The following CAB39 variants were observed in gnomAD, a reference collection of about 807,000 sequenced individuals.
CAB39 encodes the protein calcium-binding protein 39.
A neutral mutation model predicts 40.0 loss-of-function variants in CAB39; 8 were observed. The ratio of observed to expected loss-of-function variants is 0.20; its 90% CI spans 0.12 to 0.36. CAB39 has a LOEUF of 0.36. CAB39 is among the 10% of genes least tolerant of loss of function. CAB39 has a pLI of 1.00. For synonymous variants in CAB39, 156 were observed against 141.6 expected (o/e 1.10, Z -0.72); for missense variants, 270 against 401.1 (o/e 0.67, Z 2.79).
intron 2 of CAB39, among the ~76,000 whole-genome samples, chr2:230,781,967 A>T (rs1217798149): frequency 6.6e-6 from 1 of 152,072 alleles, no homozygotes; most frequent in Non-Finnish European, 1.5e-5. Context: ...AAGGTTCAAG[A>T]TAGTCTCGTG....
chr2:230,768,391 T>G (rs1695426632), intron 2 of CAB39, among the ~76,000 whole-genome samples: 1 of 152,166 alleles, frequency 6.6e-6, no homozygotes, highest in Non-Finnish European at 1.5e-5. Flanking sequence ...TCCATACAGG[T>G]TTATGTTCAT....
chr2:230,724,014 T>C (rs1694504624), intron 1 of CAB39, among the ~76,000 whole-genome samples: 1 of 151,788 alleles, frequency 6.6e-6, no homozygotes, highest in Non-Finnish European at 1.5e-5. Context: ...GAGGCTGAGG[T>C]TGGTGGATCC....
Position 230,818,938 on chromosome 2 carries a change from G to T in CAB39, c.*234G>T. The stretch of plus-strand genomic sequence containing the variant: ...TCTTTGTGTCATTTCAGAATTCAAA[G>T]ACTGTGCTACGGGAGTTCTGAACAT... On this transcript the variant is annotated 3_prime_UTR_variant, in exon 9 of 9. Coordinates refer to ENST00000258418, the MANE Select transcript of CAB39 (RefSeq NM_016289.4). 2.3e-6 allele frequency: 1 copy of T among 430,766 alleles called. No individual in the cohort carries two copies. Among genetic ancestry groups the T allele is most frequent in the Non-Finnish European group, 4.3e-6 (1 of 233,796 alleles). The allele number at this position is 430,766 out of a possible 1,614,324, so 26.7% of individuals were successfully genotyped here. A position where few individuals can be genotyped will look rare whatever the true frequency, so the allele number is the denominator to read the frequency against.
chr2:230,762,459 C>G (rs1374392147), intron 2 of CAB39, among the ~76,000 whole-genome samples: 1 of 152,148 alleles, frequency 6.6e-6, no homozygotes, highest in Non-Finnish European at 1.5e-5. Context: ...GCCCTACAGG[C>G]TTTGCACCAG....
chr2:230,779,025 A>G (rs140618409), intron 2 of CAB39: 101 of 152,298 alleles, frequency 6.6e-4, no homozygotes, highest in African/African-American at 2.4e-3. Flanking sequence ...TACTGTTATT[A>G]GTGAGGTGAG....
chr2:230,770,358 A>G (rs1446566729), intron 2 of CAB39, among the ~76,000 whole-genome samples: 2 of 152,192 alleles, frequency 1.3e-5, no homozygotes, highest in Non-Finnish European at 2.9e-5. Flanking sequence ...ATTAAACTCA[A>G]CAGCTTAGAT....
In CAB39 at chr2:230,748,828, AAAAATATATATATATAT is replaced by A. The variant is rs1175097060; in HGVS notation, c.-43-11129_-43-11113del. ...TTTCCAAAAAGAAAAAAAAAAAAAA[AAAAATATATATATATAT>A]ATATATATATATATATATATATAAC... is the stretch of plus-strand genomic sequence containing the variant. On this transcript the variant is annotated intron_variant, in intron 1 of 8. Coordinates refer to ENST00000258418, the MANE Select transcript of CAB39 (RefSeq NM_016289.4). Among the ~76,000 whole-genome samples, 410 of 62,748 alleles carry A rather than the reference AAAAATATATATATATAT, an allele frequency of 6.5e-3. 25 individuals carry two copies. The highest frequency in any genetic ancestry group is 0.025 in the African/African-American group (274 of 11,036). The allele number at this position is 62,748 out of a possible 152,430, so 41.2% of individuals were successfully genotyped here.
Position 230,818,317 on chromosome 2 carries a change from C to T in CAB39, c.838-199C>T, listed in dbSNP as rs538307031. On this transcript the variant is annotated intron_variant, in intron 8 of 8. Coordinates refer to ENST00000258418, the MANE Select transcript of CAB39 (RefSeq NM_016289.4). ...GGGCTGGCAGAATGAGTTTATCAGT[C>T]GTATTTGTGTTAAAACATGTAATTA... 20 of 545,234 alleles carry T rather than the reference C, an allele frequency of 3.7e-5. 1 individual carries two copies. Among genetic ancestry groups the T allele is most frequent in the South Asian group, 2.3e-4 (9 of 38,452 alleles). The allele number at this position is 545,234 out of a possible 1,614,324, so 33.8% of individuals were successfully genotyped here.
chr2:230,758,678 T>C (rs1695237630), intron 1 of CAB39, among the ~76,000 whole-genome samples: 1 of 152,168 alleles, frequency 6.6e-6, no homozygotes, highest in Non-Finnish European at 1.5e-5. Flanking sequence ...TGTGTTTATA[T>C]AGAAGGGGAA....
At chr2:230,757,762 T>TAA (rs1159164604) in intron 1 of CAB39, among the ~76,000 whole-genome samples, 1 of 152,148 alleles carries the variant, frequency 6.6e-6, no homozygotes, top group Non-Finnish European at 1.5e-5. Flanking sequence ...TCAGAGGACA[T>TAA]ATTGTGAGTG....
chr2:230,772,718 C>T (rs1695504952), intron 2 of CAB39, among the ~76,000 whole-genome samples: 1 of 151,560 alleles, frequency 6.6e-6, no homozygotes, highest in South Asian at 2.1e-4. Context: ...ATCTCCTGAC[C>T]TCGTGATCTG....
chr2:230,757,820 C>A (rs752239330), intron 1 of CAB39, among the ~76,000 whole-genome samples: 1 of 152,034 alleles, frequency 6.6e-6, no homozygotes, highest in East Asian at 1.9e-4. Flanking sequence ...CCCCCCACCC[C>A]CTGCCGCCCA....
At chr2:230,794,503 A>G (rs1376170998) in intron 4 of CAB39, among the ~76,000 whole-genome samples, 1 of 152,196 alleles carries the variant, frequency 6.6e-6, no homozygotes, top group African/African-American at 2.4e-5. Context: ...TACATTAGTT[A>G]ACTCTGCTGA....
chr2:230,727,402 T>TGTGTGTGTG (rs1559589592), intron 1 of CAB39, among the ~76,000 whole-genome samples: 2 of 105,414 alleles, frequency 1.9e-5, no homozygotes, highest in African/African-American at 5.4e-5. Flanking sequence ...GTGTGTGTAT[T>TGTGTGTGTG]TTTTTTTCTT....
chr2:230,743,970 A>G (rs1469837420), intron 1 of CAB39, among the ~76,000 whole-genome samples: 1 of 144,960 alleles, frequency 6.9e-6, no homozygotes, highest in African/African-American at 2.6e-5. Flanking sequence ...CCCCGGCTGG[A>G]GTGCAATGGC....
chr2:230,718,527 C>T (rs543361741), intron 1 of CAB39, among the ~76,000 whole-genome samples: 1 of 152,360 alleles, frequency 6.6e-6, no homozygotes, highest in Non-Finnish European at 1.5e-5. Flanking sequence ...TTTGAACCCT[C>T]ATTCCTCTGC....
At chr2:230,767,251 C>A (rs115815002) in intron 2 of CAB39, among the ~76,000 whole-genome samples, 1 of 152,142 alleles carries the variant, frequency 6.6e-6, no homozygotes, top group Non-Finnish European at 1.5e-5. Context: ...CTATCCTTTC[C>A]GTTTTTCAGG....
At chr2:230,762,566 C>T (rs778057560) in intron 2 of CAB39, among the ~76,000 whole-genome samples, 1 of 152,226 alleles carries the variant, frequency 6.6e-6, no homozygotes, top group African/African-American at 2.4e-5. Flanking sequence ...AGACATGATA[C>T]ATGTCTGCTG....
At chr2:230,778,096 T>C (rs1238678546) in intron 2 of CAB39, among the ~76,000 whole-genome samples, 1 of 152,264 alleles carries the variant, frequency 6.6e-6, no homozygotes, top group Non-Finnish European at 1.5e-5. Context: ...AGGTTTTTAA[T>C]GTCTGACTTA....
Sources: gnomAD v4.1 joint callset for allele counts (sites outside exome capture counted in the v4.1 genomes callset) on GRCh38, gnomAD v4.1.1 for gene constraint, MANE v1.5 for transcripts, NCBI Gene and HGNC (gene_info 2026-07-23, HGNC 2026-07-21) for gene names.